The following HHAT variants were observed in gnomAD, a reference collection of about 807,000 sequenced individuals.
HHAT encodes the protein hedgehog acyltransferase.
A neutral mutation model predicts 70.8 loss-of-function variants in HHAT; 47 were observed. The ratio of observed to expected loss-of-function variants is 0.66; its 90% CI spans 0.53 to 0.85. The LOEUF (loss-of-function observed/expected upper bound fraction) is 0.85, where lower values mean the gene tolerates loss of function less well. Among genes scored for constraint, HHAT ranks in the 40% least tolerant of loss-of-function variants. HHAT has a pLI of 0.00. For missense variants in HHAT, 609 were observed against 604.8 expected, an observed-to-expected ratio of 1.01 and a Z score of -0.07; for synonymous variants, 228 against 247.6, an observed-to-expected ratio of 0.92 and a Z score of 0.74.
At chr1:210,472,500 G>A (rs2094222646) in intron 8 of HHAT, among the ~76,000 whole-genome samples, 1 of 152,168 alleles carries the variant, frequency 6.6e-6, no homozygotes, top group African/African-American at 2.4e-5. Context: ...GGAGTATGGG[G>A]CTTGTGGGAC....
At chr1:210,465,249 A>G (rs912144074) in intron 8 of HHAT, among the ~76,000 whole-genome samples, 2 of 152,122 alleles carry the variant, frequency 1.3e-5, no homozygotes, top group African/African-American at 4.8e-5. Context: ...CATGATAGAT[A>G]CTTTTTTCTG....
chr1:210,616,688 G>C (rs956452404), intron 10 of HHAT, among the ~76,000 whole-genome samples: 2 of 151,850 alleles, frequency 1.3e-5, no homozygotes, highest in Non-Finnish European at 2.9e-5. Flanking sequence ...ACACAAATAT[G>C]AAGTTGTGTA....
At chr1:210,373,510 TTG>T (rs1222875729) in intron 3 of HHAT, among the ~76,000 whole-genome samples, 1 of 151,962 alleles carries the variant, frequency 6.6e-6, no homozygotes, top group Non-Finnish European at 1.5e-5. Context: ...TGGGGTGTCT[TTG>T]TGTGGGGAAC....
intron 9 of HHAT, among the ~76,000 whole-genome samples, chr1:210,529,241 G>T (rs1303635999): frequency 6.6e-6 from 1 of 151,342 alleles, no homozygotes; most frequent in Admixed American, 6.6e-5. Context: ...GGAGGTAGAG[G>T]TTGCAGTGAG....
chr1:210,439,270 G>T (rs1239414302), intron 7 of HHAT, among the ~76,000 whole-genome samples: 1 of 151,740 alleles, frequency 6.6e-6, no homozygotes, highest in African/African-American at 2.4e-5. Context: ...GCATAATTAG[G>T]GAGTGGGCTA....
chr1:210,602,515 A>G (rs1224639223), intron 10 of HHAT, among the ~76,000 whole-genome samples: 5 of 152,192 alleles, frequency 3.3e-5, no homozygotes, highest in African/African-American at 1.2e-4. Context: ...GGCATTCTGT[A>G]TCCAGGTCAC....
At chr1:210,440,783 G>C (rs2093487651) in intron 7 of HHAT, among the ~76,000 whole-genome samples, 1 of 149,428 alleles carries the variant, frequency 6.7e-6, no homozygotes, top group South Asian at 2.1e-4. Flanking sequence ...ACTGCCTTGA[G>C]CTCCAAAGCA....
At chr1:210,535,675 GTGCATGCGTGCA>G (rs1047763270) in intron 9 of HHAT, among the ~76,000 whole-genome samples, 27 of 152,256 alleles carry the variant, frequency 1.8e-4, no homozygotes, top group East Asian at 5.8e-4. Flanking sequence ...TTGTGTGTGT[GTGCATGCGTGCA>G]TGCATGCGTG....
In HHAT at chr1:210,674,441, A is replaced by G; in HGVS notation, c.*62A>G. 7.6e-7 allele frequency: 1 copy of G among 1,311,202 alleles called. No homozygotes were observed. Among genetic ancestry groups the G allele is most frequent in the Non-Finnish European group, 1.1e-6 (1 of 910,552 alleles). 81.2% of individuals were successfully genotyped at this position (1,311,202 alleles called of 1,614,324 possible). Reference sequence around the variant, plus strand: ...CCAAGGCAAATAGTGCTTCACCCTGACCTCTCACTCCAGGACAGCCTCTAA... The same window carrying G: ...CCAAGGCAAATAGTGCTTCACCCTGGCCTCTCACTCCAGGACAGCCTCTAA... On this transcript the variant is annotated 3_prime_UTR_variant, in exon 12 of 12. Transcript: ENST00000261458.
At chr1:210,350,601 G>T (rs1460931483) in intron 2 of HHAT, among the ~76,000 whole-genome samples, 1 of 152,180 alleles carries the variant, frequency 6.6e-6, no homozygotes, top group Non-Finnish European at 1.5e-5. Context: ...GAAAGCAATT[G>T]ATTTTGTTAT....
At chr1:210,591,478 G>C (rs968902450) in intron 10 of HHAT, among the ~76,000 whole-genome samples, 1 of 151,952 alleles carries the variant, frequency 6.6e-6, no homozygotes, top group Non-Finnish European at 1.5e-5. Flanking sequence ...TCCAAATCTT[G>C]GCTATTGTGA....
chr1:210,404,700 G>T (rs2092253607), intron 6 of HHAT, 21 bp downstream of exon 6: 1 of 1,590,194 alleles, frequency 6.3e-7, no homozygotes, highest in African/African-American at 1.3e-5. Flanking sequence ...CTGGGGATGG[G>T]ATTGGGATTC....
chr1:210,624,129 A>G (rs1669403190), intron 11 of HHAT, among the ~76,000 whole-genome samples: 1 of 152,040 alleles, frequency 6.6e-6, no homozygotes, highest in Non-Finnish European at 1.5e-5. Context: ...TCATGGATTA[A>G]TGGGTTATTA....
intron 9 of HHAT, among the ~76,000 whole-genome samples, chr1:210,542,631 C>G (rs2148663490): frequency 6.6e-6 from 1 of 151,812 alleles, no homozygotes; most frequent in Non-Finnish European, 1.5e-5. Context: ...GACTCCATCT[C>G]TATAAAATAA....
chr1:210,576,587 A>G (rs1332571890), intron 9 of HHAT, among the ~76,000 whole-genome samples: 1 of 152,100 alleles, frequency 6.6e-6, no homozygotes, highest in East Asian at 1.9e-4. Context: ...TAATGAGTGC[A>G]GCACACCAAC....
chr1:210,674,701 C>T lies in HHAT; in HGVS notation c.*322C>T. The stretch of plus-strand genomic sequence containing the variant: ...TCTCATGAGCCCTTTGCATTCTTTC[C>T]CCTTAAGCAAGAATAGAATGTAGTG... On this transcript the variant is annotated 3_prime_UTR_variant, in exon 12 of 12. Coordinates refer to ENST00000261458, the MANE Select transcript of HHAT (RefSeq NM_018194.6). The T allele has an allele frequency of 4.1e-6, 1 of 244,974 alleles. No homozygotes were observed. Among genetic ancestry groups the T allele is most frequent in the African/African-American group, 2.2e-5 (1 of 44,910 alleles). 15.2% of individuals were successfully genotyped at this position (244,974 alleles called of 1,614,324 possible).
intron 3 of HHAT, among the ~76,000 whole-genome samples, chr1:210,373,225 CAG>C (rs1284758375): frequency 3.9e-5 from 6 of 151,946 alleles, no homozygotes; most frequent in Admixed American, 1.3e-4. Context: ...TAACAAGACT[CAG>C]AGAGAAAGGG....
At chr1:210,365,333 T>TTC (rs1339969060) in intron 3 of HHAT, among the ~76,000 whole-genome samples, 1 of 147,168 alleles carries the variant, frequency 6.8e-6, no homozygotes, top group African/African-American at 2.5e-5. Flanking sequence ...TTTTTTTTTT[T>TTC]TGAGACGGAG....
intron 1 of HHAT, among the ~76,000 whole-genome samples, chr1:210,334,177 C>CTTTT (rs1342123521): frequency 4.6e-4 from 16 of 34,544 alleles, no homozygotes; most frequent in African/African-American, 2.3e-3. Context: ...TTTAGCGTGT[C>CTTTT]ATTTTTTTTT....
Sources: allele counts gnomAD v4.1 joint callset (sites outside exome capture counted in the v4.1 genomes callset), GRCh38; gene constraint gnomAD v4.1.1; transcripts MANE v1.5; gene names NCBI Gene and HGNC (gene_info 2026-07-23, HGNC 2026-07-21).